The following RBFOX1 variants were observed in gnomAD, a reference collection of about 807,000 sequenced individuals.
RBFOX1 encodes RNA binding fox-1 homolog 1.
RBFOX1 carries 8 observed loss-of-function variants against 57.7 expected under a neutral mutation model. The observed-to-expected ratio is 0.14, with a 90% CI of 0.08 to 0.25. The LOEUF is 0.25. Ranked by LOEUF, RBFOX1 falls within the 10% of genes least tolerant of loss-of-function variation. RBFOX1 has a pLI of 1.00. For missense variants in RBFOX1, 611 were observed against 548.5 expected (o/e 1.11, Z -1.14); for synonymous variants, 326 against 222.4 (o/e 1.47, Z -4.15).
intron 2 of RBFOX1, among the ~76,000 whole-genome samples, chr16:6,367,945 G>A (rs1462044229): frequency 6.6e-6 from 1 of 152,126 alleles, no homozygotes; most frequent in Admixed American, 6.6e-5. Flanking sequence ...GAGTAGTTTA[G>A]GACAATCCAA....
chr16:6,860,290 G>C (rs770455246), intron 3 of RBFOX1, among the ~76,000 whole-genome samples: 17 of 152,196 alleles, frequency 1.1e-4, no homozygotes, highest in Non-Finnish European at 1.9e-4. Context: ...TTTAATGTCT[G>C]ATGACTAAAT....
chr16:6,979,139 C>G (rs183711074), intron 3 of RBFOX1, among the ~76,000 whole-genome samples: 1 of 152,166 alleles, frequency 6.6e-6, no homozygotes, highest in Non-Finnish European at 1.5e-5. Flanking sequence ...AAAATCAGAC[C>G]TGAATTCAAA....
At chr16:5,869,724 C>G (rs1286894808) in intron 4 of RBFOX1, among the ~76,000 whole-genome samples, 1 of 152,120 alleles carries the variant, frequency 6.6e-6, no homozygotes, top group Non-Finnish European at 1.5e-5. Context: ...ATTTCTTATC[C>G]TCATTTTACC....
chr16:5,722,768 C>T (rs190699067), intron 3 of RBFOX1, among the ~76,000 whole-genome samples: 1 of 152,306 alleles, frequency 6.6e-6, no homozygotes, highest in Non-Finnish European at 1.5e-5. Context: ...TGGCTTACTT[C>T]TAGTTATCCA....
intron 1 of RBFOX1, among the ~76,000 whole-genome samples, chr16:6,196,048 C>T (rs1484419238): frequency 6.6e-6 from 1 of 152,106 alleles, no homozygotes; most frequent in African/African-American, 2.4e-5. Context: ...CTATGAGAAC[C>T]ATTAATTACC....
intron 4 of RBFOX1, among the ~76,000 whole-genome samples, chr16:7,330,625 C>T (rs920978608): frequency 6.6e-6 from 1 of 151,864 alleles, no homozygotes; most frequent in Non-Finnish European, 1.5e-5. Context: ...CTTATTGAAG[C>T]ATTCTTGATT....
intron 3 of RBFOX1, among the ~76,000 whole-genome samples, chr16:5,801,701 C>CCTTT (rs2055062855): frequency 6.6e-6 from 1 of 152,104 alleles, no homozygotes; most frequent in African/African-American, 2.4e-5. Flanking sequence ...GCACAATGTG[C>CCTTT]CTTTGATAGA....
rs2086279021 is a variant in RBFOX1 at position 7,194,808 on chromosome 16, G to A, written c.27+142710G>A. Reference sequence around the variant, plus strand: ...CTGGACGTGGTGGTGCATGCCTGTGGTTCTCGCCACTAGGGAGGCTGAGGT... The same window carrying A: ...CTGGACGTGGTGGTGCATGCCTGTGATTCTCGCCACTAGGGAGGCTGAGGT... On this transcript the variant is annotated intron_variant, in intron 4 of 15. Coordinates refer to ENST00000550418, the MANE Select transcript of RBFOX1 (RefSeq NM_018723.4). Among the ~76,000 whole-genome samples the A allele has an allele frequency of 2.6e-5, 4 of 151,692 alleles. No homozygotes were observed. In the South Asian group the frequency reaches 8.3e-4, roughly 32 times the overall value.
At chr16:7,114,737 G>T (rs1258310485) in intron 4 of RBFOX1, among the ~76,000 whole-genome samples, 2 of 152,178 alleles carry the variant, frequency 1.3e-5, no homozygotes, top group Non-Finnish European at 2.9e-5. Flanking sequence ...AGTCCTGCTA[G>T]GTGCATGGAA....
At chr16:5,533,411 C>T (rs1444174599) in intron 2 of RBFOX1, among the ~76,000 whole-genome samples, 2 of 152,192 alleles carry the variant, frequency 1.3e-5, no homozygotes, top group African/African-American at 4.8e-5. Flanking sequence ...ATAGTTTCAT[C>T]ACTGGGGAAG....
chr16:5,326,206 T>C (rs923692870), intron 1 of RBFOX1, among the ~76,000 whole-genome samples: 5 of 152,170 alleles, frequency 3.3e-5, no homozygotes, highest in Non-Finnish European at 7.4e-5. Flanking sequence ...TATTTTGCAA[T>C]ACTTACCCTC....
At chr16:7,621,452 G>A (rs962184922) in intron 10 of RBFOX1, among the ~76,000 whole-genome samples, 5 of 152,010 alleles carry the variant, frequency 3.3e-5, no homozygotes, top group South Asian at 4.2e-4. Flanking sequence ...TGTTAGAGAC[G>A]GGTTTTGCCA....
intron 4 of RBFOX1, among the ~76,000 whole-genome samples, chr16:7,358,132 C>G (rs949312125): frequency 6.6e-6 from 1 of 152,172 alleles, no homozygotes; most frequent in African/African-American, 2.4e-5. Context: ...ACTTTCATAA[C>G]TCACTCCAGA....
At chr16:6,139,985 C>T (rs1006218860) in intron 1 of RBFOX1, among the ~76,000 whole-genome samples, 3 of 152,166 alleles carry the variant, frequency 2.0e-5, no homozygotes, top group Admixed American at 6.5e-5. Context: ...TCTCAAGATT[C>T]AGCTGGAAAA....
intron 3 of RBFOX1, among the ~76,000 whole-genome samples, chr16:6,703,065 T>G (rs2062103041): frequency 1.3e-5 from 2 of 152,252 alleles, no homozygotes; most frequent in African/African-American, 4.8e-5. Context: ...TCAAGGTTTA[T>G]GTTGTAGTGT....
intron 3 of RBFOX1, among the ~76,000 whole-genome samples, chr16:5,703,789 A>G (rs1225828197): frequency 6.6e-6 from 1 of 152,076 alleles, no homozygotes; most frequent in Non-Finnish European, 1.5e-5. Context: ...GTGTGTGAGT[A>G]TATATATATG....
chr16:6,654,709 AC>A, intron 3 of RBFOX1, 59 bp downstream of exon 3: 8 of 1,351,808 alleles, frequency 5.9e-6, no homozygotes, highest in Non-Finnish European at 5.9e-6. Context: ...TGTGAATTGA[AC>A]CCAGGTGTTT....
At chr16:7,493,710 C>T (rs1183844656) in intron 4 of RBFOX1, among the ~76,000 whole-genome samples, 1 of 152,196 alleles carries the variant, frequency 6.6e-6, no homozygotes, top group African/African-American at 2.4e-5. Context: ...GGCAAAGAAA[C>T]CGATGATCCT....
intron 13 of RBFOX1, among the ~76,000 whole-genome samples, chr16:7,666,901 G>T (rs2069515480): frequency 1.3e-5 from 2 of 152,140 alleles, no homozygotes; most frequent in African/African-American, 4.8e-5. Flanking sequence ...GTGCAGCTCG[G>T]GAAGCATCAG....
Sources: gnomAD v4.1 joint callset for allele counts (sites outside exome capture counted in the v4.1 genomes callset) on GRCh38, gnomAD v4.1.1 for gene constraint, MANE v1.5 for transcripts, NCBI Gene and HGNC (gene_info 2026-07-23, HGNC 2026-07-21) for gene names.